The following DHX34 variants were observed in gnomAD, a reference collection of about 807,000 sequenced individuals.
DHX34 encodes probable ATP-dependent RNA helicase DHX34.
DHX34 carries 96 observed loss-of-function variants against 111.1 expected under a neutral mutation model. The observed-to-expected ratio is 0.86, with a 90% confidence interval of 0.73 to 1.02. DHX34 has a LOEUF of 1.02. DHX34 is among the 50% of genes least tolerant of loss of function. DHX34 has a pLI of 0.00. For missense variants in DHX34, 1,560 were observed against 1,579.9 expected, an observed-to-expected ratio of 0.99 and a Z score of 0.21; for synonymous variants, 688 against 670.4, an observed-to-expected ratio of 1.03 and a Z score of -0.41.
chr19:47,373,845 T>C, intron 9 of DHX34, 145 bp downstream of exon 9: 1 of 1,086,838 alleles, frequency 9.2e-7, no homozygotes, highest in South Asian at 1.6e-5. Context: ...GGTGACCAGG[T>C]GTTGGGGCAG....
rs146840425 is a variant in DHX34 at position 47,353,279 on chromosome 19, T to C, written c.249T>C (p.Pro83=). The change falls in exon 2 of 17, where the codon CCT becomes CCC. Residue 83 remains proline (P), a synonymous_variant. Transcript: ENST00000328771. This position sits in a 1 kb window ranked among gnomAD's most constrained non-coding sequence, Gnocchi z 4.6. The stretch of plus-strand genomic sequence containing the variant: ...CCTCCAGGAAGGAGGAGAAAGACCC[T>C]GGACAGCCCAAGCACAGCATCCCAG... The part of the protein sequence containing the change: ...LKTSRKEEKD[P]GQPKHSIPAL... 1.1e-3 allele frequency: 1,804 copies of C among 1,614,154 alleles called. 4 individuals carry two copies. Among genetic ancestry groups the C allele is most frequent in the African/African-American group, 6.2e-3 (467 of 75,046 alleles).
intron 4 of DHX34, among the ~76,000 whole-genome samples, 169 bp downstream of exon 4, chr19:47,358,289 G>A (rs190248645): frequency 6.6e-6 from 1 of 152,298 alleles, no homozygotes; most frequent in East Asian, 1.9e-4. Flanking sequence ...GTCTGGCCCC[G>A]GAGCCCATGC....
rs112720936 is a variant in DHX34 at position 47,375,483 on chromosome 19, C to T, written c.2082C>T (p.His694=). The part of the protein sequence containing the change: ...RRQFKELLED[H]GLLAGAQAAQ... The stretch of plus-strand genomic sequence containing the variant: ...GCCCCTAGGAGCTGTTGGAGGACCA[C>T]GGGCTGCTGGCTGGGGCCCAGGCCG... Residue 694 remains histidine, a synonymous_variant, in exon 10 of 17, where the codon CAC becomes CAT. Transcript: ENST00000328771. The T allele has an allele frequency of 1.9e-4, 299 of 1,581,248 alleles. No individual in the cohort carries two copies. The African/African-American group carries it at 3.2e-3, about 17-fold the overall frequency.
chr19:47,356,734 A>C lies in DHX34; in HGVS notation c.1018-1132A>C, dbSNP rs188340790. Among the ~76,000 whole-genome samples, 213 of 152,096 alleles carry C rather than the reference A, an allele frequency of 1.4e-3. 2 individuals are homozygous for C. Among genetic ancestry groups the C allele is most frequent in the Admixed American group, 0.013 (191 of 15,252 alleles). Reference sequence around the variant, plus strand: ...TTTAGGAGGCCGAGGCGGGTGGATCACCTAAGGTCAGGAGTTCGAGACCAG... The same window carrying C: ...TTTAGGAGGCCGAGGCGGGTGGATCCCCTAAGGTCAGGAGTTCGAGACCAG... On this transcript the variant is annotated intron_variant, in intron 3 of 16. Transcript: ENST00000328771.
At chr19:47,363,833 A>G (rs1217703103) in intron 6 of DHX34, among the ~76,000 whole-genome samples, 3 of 151,940 alleles carry the variant, frequency 2.0e-5, no homozygotes, top group Non-Finnish European at 4.4e-5. Context: ...AAAAAAAAAA[A>G]AAAATGTCCA....
At chr19:47,360,202 G>A in intron 5 of DHX34, 132 bp downstream of exon 5, 1 of 764,112 alleles carries the variant, frequency 1.3e-6, no homozygotes. Context: ...TATCCAAAAT[G>A]CTTGCTTGCA....
chr19:47,377,733 C>T (rs1261493613), intron 13 of DHX34, among the ~76,000 whole-genome samples: 3 of 143,858 alleles, frequency 2.1e-5, no homozygotes, highest in Middle Eastern at 3.2e-3. Context: ...GCCAGAGAGG[C>T]GAGGGAGACA....
At chr19:47,376,655 C>T (rs1041536844) in intron 12 of DHX34, 95 bp downstream of exon 12, 88 of 1,496,834 alleles carry the variant, frequency 5.9e-5, no homozygotes, top group Middle Eastern at 4.8e-4. Context: ...GCTCCCACAC[C>T]GGCCCAGGCT....
At position 47,355,016 on chromosome 19, in the gene DHX34, ATCCT is replaced by A. The variant is rs766480006; in HGVS notation, c.706-21_706-18del. 255 of 1,610,614 alleles carry A rather than the reference ATCCT, an allele frequency of 1.6e-4. No individual in the cohort carries two copies. Among genetic ancestry groups the A allele is most frequent in the Non-Finnish European group, 2.1e-4 (251 of 1,178,058 alleles). On this transcript the variant is annotated intron_variant, in intron 2 of 16. Coordinates refer to ENST00000328771, the MANE Select transcript of DHX34 (RefSeq NM_014681.6). ...TACCCAGGCTCAGGGTCCTCTCCTG[ATCCT>A]TTCTTTCTCCCACCCCAGGTCGGCT...
intron 7 of DHX34, among the ~76,000 whole-genome samples, chr19:47,368,643 C>T (rs890925254): frequency 1.2e-3 from 168 of 137,264 alleles, no homozygotes; most frequent in Middle Eastern, 3.9e-3. Flanking sequence ...TATATATACA[C>T]ACACACACAC....
chr19:47,357,745 C>T (rs1031565211), intron 3 of DHX34, 121 bp from the exon 4 acceptor site: 5 of 1,454,530 alleles, frequency 3.4e-6, no homozygotes, highest in Non-Finnish European at 4.5e-6. Context: ...CAGCCTGGAC[C>T]CGTTGCACTG....
At chr19:47,359,217 C>G (rs544521227) in intron 4 of DHX34, among the ~76,000 whole-genome samples, 5 of 152,284 alleles carry the variant, frequency 3.3e-5, no homozygotes, top group African/African-American at 1.2e-4. Context: ...ATAATCCCAG[C>G]ACAGGAAGCT....
Position 47,377,106 on chromosome 19 carries a change from A to G in DHX34, c.2606A>G (p.Lys869Arg). ...GTCCTCCTCAACCTTTCAGACGACA[A>G]GGACAAGATGAGCAGCAAACACCAG... ...ASNCDGSRDD[K>R]DKMSSKHQLL... The change falls in exon 13 of 17, where the codon AAG becomes AGG. Residue 869 changes from lysine to arginine, a missense_variant. By Grantham distance (26) the Lys-to-Arg change is conservative. Coordinates refer to ENST00000328771, the MANE Select transcript of DHX34 (RefSeq NM_014681.6). 3 of 1,613,998 alleles carry G rather than the reference A, an allele frequency of 1.9e-6. No individual in the cohort carries two copies. The highest frequency in any genetic ancestry group is 2.5e-6 in the Non-Finnish European group (3 of 1,179,956).
chr19:47,376,989 C>T lies in DHX34; in HGVS notation c.2600-111C>T, dbSNP rs565368631. On this transcript the variant is annotated intron_variant, in intron 12 of 16. Transcript: ENST00000328771. ...CTGAGCCAGGCCACCAAAGCCATGC[C>T]GTAAGCATACTCTTTCTATCGATGT... The T allele has an allele frequency of 3.9e-5, 61 of 1,570,404 alleles. No individual in the cohort carries two copies. In the East Asian group the frequency reaches 6.2e-4, roughly 16 times the overall value.
chr19:47,363,291 A>G (rs770888497), intron 6 of DHX34, among the ~76,000 whole-genome samples: 21 of 151,742 alleles, frequency 1.4e-4, no homozygotes, highest in Non-Finnish European at 2.4e-4. Flanking sequence ...AGGTCTTGCT[A>G]TGTTGCCCAG....
At chr19:47,363,245 C>T (rs373277267) in intron 6 of DHX34, among the ~76,000 whole-genome samples, 4 of 151,958 alleles carry the variant, frequency 2.6e-5, no homozygotes, top group Admixed American at 6.6e-5. Flanking sequence ...TGAGCCACCG[C>T]GCCCGGCCTA....
intron 4 of DHX34, among the ~76,000 whole-genome samples, chr19:47,359,651 G>A (rs182272790): frequency 2.0e-5 from 3 of 151,896 alleles, no homozygotes; most frequent in South Asian, 2.1e-4. Context: ...GCATGGTGGC[G>A]GGCACCTGTA....
intron 11 of DHX34, 58 bp downstream of exon 11, chr19:47,376,155 C>T: frequency 2.0e-6 from 3 of 1,518,150 alleles, no homozygotes; most frequent in Non-Finnish European, 1.8e-6. Context: ...ACCCTGAGTG[C>T]CTGTCCTGTG....
intron 6 of DHX34, among the ~76,000 whole-genome samples, chr19:47,363,118 T>A (rs1208990667): frequency 6.6e-6 from 1 of 151,892 alleles, no homozygotes; most frequent in Non-Finnish European, 1.5e-5. Context: ...GCCCAGTTAA[T>A]TTTTTGTATT....
Sources: gnomAD v4.1 joint callset for allele counts (sites outside exome capture counted in the v4.1 genomes callset) on GRCh38, gnomAD v4.1.1 for gene constraint, Gnocchi (gnomAD v3.1) non-coding constraint, MANE v1.5 for transcripts, NCBI Gene and HGNC (gene_info 2026-07-23, HGNC 2026-07-21) for gene names.